Variants in MAP4 observed in about 807,000 individuals in gnomAD.
MAP4 encodes the protein microtubule associated protein 4, also known as microtubule-associated protein 4.
Under a neutral mutation model 170.2 loss-of-function variants are expected in MAP4, and 76 were observed. That is an observed-to-expected ratio of 0.45 (90% CI 0.37 to 0.54). MAP4 has a LOEUF of 0.54. Among genes scored for constraint, MAP4 ranks in the 20% least tolerant of loss-of-function variants. The probability of loss-of-function intolerance (pLI) is 0.00; values close to 1 mark genes in which losing one functional copy is unlikely to be tolerated. For missense variants in MAP4, 2,506 were observed against 2,748.0 expected (o/e 0.91, Z 1.97); for synonymous variants, 909 against 994.5 (o/e 0.91, Z 1.62).
intron 10 of MAP4, chr3:47,892,413 G>A (rs114309306): frequency 0.017 from 25,639 of 1,536,154 alleles, 246 homozygotes; most frequent in Non-Finnish European, 0.02. Flanking sequence ...GAGTCCATTC[G>A]GCACTCTGCA....
chr3:47,877,693 G>GGAGGACAGTTTTA (rs1191633188), intron 10 of MAP4, 170 bp from the exon 11 acceptor site: 1 of 515,652 alleles, frequency 1.9e-6, no homozygotes, highest in Non-Finnish European at 3.5e-6. Context: ...TCATTGTGAT[G>GGAGGACAGTTTTA]GAGGACAGTT....
At chr3:48,069,194 C>A (rs2100139821) in intron 1 of MAP4, among the ~76,000 whole-genome samples, 1 of 152,144 alleles carries the variant, frequency 6.6e-6, no homozygotes, top group Non-Finnish European at 1.5e-5. Context: ...TCTATATAAC[C>A]CAATGAAACT....
intron 1 of MAP4, among the ~76,000 whole-genome samples, chr3:48,079,678 C>T (rs539455038): frequency 4.0e-5 from 6 of 151,742 alleles, no homozygotes; most frequent in Admixed American, 6.6e-5. Flanking sequence ...AAGCCGGGTG[C>T]GGTGGCTCAC....
Position 47,911,671 on chromosome 3 carries a change from T to C in MAP4, c.2750A>G (p.Gln917Arg), listed in dbSNP as rs1332957775. The change falls in exon 9 of 21, where the codon CAG becomes CGG. Residue 917 changes from glutamine (Q) to arginine (R), a missense_variant. Transcript: ENST00000683076. This position sits in a 1 kb window ranked among gnomAD's most constrained non-coding sequence, Gnocchi z 4.0. Reference sequence around the variant, plus strand: ...TTTCAGATTGAGAGGGCCTACTGACTGGCTTTTATCTACAGGAGTCTTCAG... The same window carrying C: ...TTTCAGATTGAGAGGGCCTACTGACCGGCTTTTATCTACAGGAGTCTTCAG... ...PHLKTPVDKS[Q>R]SVGPLNLKGP... 4 of 1,536,002 alleles carry C rather than the reference T, an allele frequency of 2.6e-6. No individual in the cohort carries two copies. The highest frequency in any genetic ancestry group is 2.7e-5 in the African/African-American group (2 of 73,026).
At chr3:47,880,258 A>G (rs893895589) in intron 10 of MAP4, among the ~76,000 whole-genome samples, 1 of 124,880 alleles carries the variant, frequency 8.0e-6, no homozygotes. Flanking sequence ...ACACCTGGCT[A>G]ATTTTTTTTT....
In MAP4 at chr3:48,077,594, C is replaced by T. The variant is rs1013414387; in HGVS notation, c.-20+11179G>A. ...GGCTCAAGCAGTCCACCCTCCTCAG[C>T]CTCCCAAAATGCTAGGATTACAGGC... is the stretch of plus-strand genomic sequence containing the variant. On this transcript the variant is annotated intron_variant, in intron 1 of 18. Coordinates refer to the MAP4 transcript ENST00000360240. Among the ~76,000 whole-genome samples the T allele has an allele frequency of 5.9e-5, 9 of 151,902 alleles. No individual in the cohort carries two copies. In the South Asian group the frequency reaches 1.9e-3, roughly 32 times the overall value.
At chr3:47,858,255 C>T (rs1469078897) in intron 17 of MAP4, among the ~76,000 whole-genome samples, 2 of 152,046 alleles carry the variant, frequency 1.3e-5, no homozygotes, top group Admixed American at 6.6e-5. Context: ...TCAGGTGATC[C>T]GCCTGCCTCA....
intron 1 of MAP4, among the ~76,000 whole-genome samples, chr3:48,053,913 T>A (rs2100129235): frequency 6.6e-6 from 1 of 152,190 alleles, no homozygotes; most frequent in South Asian, 2.1e-4. Context: ...TCTAGAAGAA[T>A]ATATATGAAA....
chr3:47,945,098 A>G (rs910790086), intron 3 of MAP4, among the ~76,000 whole-genome samples: 3 of 151,842 alleles, frequency 2.0e-5, no homozygotes, highest in Non-Finnish European at 4.4e-5. Context: ...CACACCTGTA[A>G]TCCTAGCACT....
intron 1 of MAP4, among the ~76,000 whole-genome samples, chr3:48,029,332 G>A (rs1487597595): frequency 2.0e-5 from 3 of 152,210 alleles, no homozygotes; most frequent in African/African-American, 4.8e-5. Context: ...CAGCTACTCG[G>A]GAGGCTGGCA....
intron 6 of MAP4, among the ~76,000 whole-genome samples, chr3:47,917,601 AAAAG>A (rs1271681176): frequency 5.3e-5 from 8 of 151,874 alleles, no homozygotes; most frequent in South Asian, 2.1e-4. Context: ...AAAAAAAAAA[AAAAG>A]AAGAAGAAGC....
intron 10 of MAP4, among the ~76,000 whole-genome samples, chr3:47,896,517 G>T (rs1192501452): frequency 3.3e-5 from 5 of 151,934 alleles, no homozygotes; most frequent in African/African-American, 1.2e-4. Context: ...CAACAAGAGC[G>T]AAACTCCATC....
rs375249687 is a variant in MAP4 at position 47,998,663 on chromosome 3, C to T, written c.198G>A (p.Pro66=). The change falls in exon 2 of 21, where the codon CCG becomes CCA. Residue 66 remains proline, a synonymous_variant. Transcript: ENST00000683076. ...CTTCAATCTGGCTAGTTTCTGAGCA[C>T]GGTTTCTTCTTTGACTCTGAGTTCC... ...KTGNSESKKK[P]CSETSQIEDT... 71 of 1,614,024 alleles carry T rather than the reference C, an allele frequency of 4.4e-5. No individual in the cohort carries two copies. The highest frequency in any genetic ancestry group is 3.1e-4 in the African/African-American group (23 of 75,028).
intron 6 of MAP4, among the ~76,000 whole-genome samples, chr3:47,917,733 T>C (rs1414406861): frequency 4.6e-5 from 7 of 151,878 alleles, no homozygotes; most frequent in Non-Finnish European, 1.0e-4. Context: ...AGAGAAAACA[T>C]AGGCTTCAAA....
intron 2 of MAP4, among the ~76,000 whole-genome samples, chr3:47,993,227 G>A (rs2100093453): frequency 6.6e-6 from 1 of 152,204 alleles, no homozygotes; most frequent in East Asian, 1.9e-4. Flanking sequence ...GGAAGGCTGA[G>A]ACAGGAGGAT....
chr3:47,874,044 A>G (rs956631012), intron 12 of MAP4, among the ~76,000 whole-genome samples: 1 of 152,232 alleles, frequency 6.6e-6, no homozygotes, highest in African/African-American at 2.4e-5. Context: ...TAAGCTGCAG[A>G]TGAAGAGGCC....
chr3:47,914,989 G>T (rs1356963714), intron 7 of MAP4, 50 bp from the exon 8 acceptor site: 1 of 1,610,306 alleles, frequency 6.2e-7, no homozygotes. Flanking sequence ...CATGATTTCA[G>T]CTATTTTCCA....
intron 1 of MAP4, among the ~76,000 whole-genome samples, chr3:48,056,502 C>T (rs868290354): frequency 6.6e-5 from 5 of 75,532 alleles, no homozygotes; most frequent in African/African-American, 3.3e-4. Flanking sequence ...GGGGTCAGCC[C>T]TCCCCCCGGC....
chr3:47,920,946 C>T (rs1193360890), intron 5 of MAP4, among the ~76,000 whole-genome samples: 5 of 152,150 alleles, frequency 3.3e-5, no homozygotes, highest in Non-Finnish European at 4.4e-5. Context: ...TCACTTGAGC[C>T]CAGGAGTTCA....
Sources: allele counts gnomAD v4.1 joint callset (sites outside exome capture counted in the v4.1 genomes callset), GRCh38; gene constraint gnomAD v4.1.1; non-coding constraint Gnocchi (gnomAD v3.1); transcripts MANE v1.5; gene names NCBI Gene and HGNC (gene_info 2026-07-23, HGNC 2026-07-21).